PATJ: variants seen among roughly 807,000 people sequenced by gnomAD.
The protein encoded by PATJ is inaD-like protein.
PATJ carries 190 observed loss-of-function variants against 224.9 expected under a neutral mutation model. The ratio of observed to expected loss-of-function variants is 0.84; its 90% CI spans 0.75 to 0.95. PATJ has a LOEUF of 0.95. Ranked by LOEUF, PATJ falls within the 40% of genes least tolerant of loss-of-function variation. The probability of loss-of-function intolerance (pLI) is 0.00; values close to 1 mark genes in which losing one functional copy is unlikely to be tolerated. For synonymous variants in PATJ, 769 were observed against 820.3 expected (o/e 0.94, Z 1.07); for missense variants, 2,121 against 2,270.3 (o/e 0.93, Z 1.34).
intron 20 of PATJ, among the ~76,000 whole-genome samples, chr1:61,866,876 T>C (rs1029245885): frequency 2.0e-5 from 3 of 152,232 alleles, no homozygotes; most frequent in African/African-American, 4.8e-5. Context: ...TATTTTTTGA[T>C]TATATGCTAA....
chr1:61,742,657 C>G (rs1174525358), intron 1 of PATJ, 102 bp downstream of exon 1: 1 of 149,806 alleles, frequency 6.7e-6, no homozygotes, highest in African/African-American at 2.4e-5. Context: ...CCCGGGCCTG[C>G]CTGCCCTGCC....
At chr1:62,008,593 T>C (rs1219637833) in intron 28 of PATJ, among the ~76,000 whole-genome samples, 1 of 151,546 alleles carries the variant, frequency 6.6e-6, no homozygotes, top group Admixed American at 6.6e-5. Context: ...CCCGTCTTTA[T>C]AAAAAAATGA....
intron 21 of PATJ, among the ~76,000 whole-genome samples, chr1:61,879,750 G>A (rs1029105126): frequency 2.1e-4 from 32 of 151,624 alleles, no homozygotes; most frequent in African/African-American, 7.0e-4. Flanking sequence ...CCTCCTTTTG[G>A]TGTTCCTCCT....
chr1:61,879,964 G>A (rs1450553145), intron 21 of PATJ, among the ~76,000 whole-genome samples: 2 of 151,786 alleles, frequency 1.3e-5, no homozygotes, highest in African/African-American at 4.8e-5. Context: ...TCAGCCTCCT[G>A]AGTAGCTGGG....
intron 9 of PATJ, among the ~76,000 whole-genome samples, chr1:61,794,050 C>A (rs1464457053): frequency 0.021 from 1 of 48 alleles, no homozygotes; most frequent in African/African-American, 0.062. Flanking sequence ...TTAGATGTGC[C>A]CACCATCATG....
At chr1:62,093,400 T>C (rs1212334470) in intron 33 of PATJ, among the ~76,000 whole-genome samples, 2 of 152,188 alleles carry the variant, frequency 1.3e-5, no homozygotes, top group African/African-American at 4.8e-5. Flanking sequence ...TAGAAAGCTA[T>C]TTTATATTTG....
At chr1:61,860,986 G>A (rs1036237762) in intron 18 of PATJ, among the ~76,000 whole-genome samples, 2 of 151,670 alleles carry the variant, frequency 1.3e-5, no homozygotes, top group African/African-American at 4.8e-5. Flanking sequence ...GCTAATAAGA[G>A]GACCCACGTT....
chr1:61,974,222 G>A (rs940435374), intron 27 of PATJ, among the ~76,000 whole-genome samples: 1 of 151,778 alleles, frequency 6.6e-6, no homozygotes, highest in African/African-American at 2.4e-5. Flanking sequence ...GAGCATGGGC[G>A]CCTATGTGAC....
At chr1:61,829,546 C>T (rs565243816) in intron 16 of PATJ, among the ~76,000 whole-genome samples, 2 of 152,334 alleles carry the variant, frequency 1.3e-5, no homozygotes, top group African/African-American at 4.8e-5. Context: ...TGTCAACCTT[C>T]CTGCCCATTA....
intron 40 of PATJ, 111 bp from the exon 41 acceptor site, chr1:62,128,730 T>A (rs1280387902): frequency 1.3e-6 from 1 of 799,532 alleles, no homozygotes; most frequent in East Asian, 2.5e-5. Flanking sequence ...TAACGCAGAA[T>A]CCTCACAATA....
intron 29 of PATJ, among the ~76,000 whole-genome samples, chr1:62,033,525 C>A (rs779042983): frequency 2.2e-4 from 33 of 152,304 alleles, no homozygotes; most frequent in Non-Finnish European, 4.1e-4. Context: ...AAATGTTAAG[C>A]CTCTGGGAGA....
intron 27 of PATJ, among the ~76,000 whole-genome samples, chr1:61,972,147 T>A (rs1446273601): frequency 1.3e-5 from 2 of 152,040 alleles, no homozygotes; most frequent in Non-Finnish European, 2.9e-5. Context: ...GACCCAAACC[T>A]AAACATAAAA....
Position 62,128,822 on chromosome 1 carries a change from G to A in PATJ, c.5167-19G>A. The stretch of plus-strand genomic sequence containing the variant: ...TTTTTCTTAATGATAGTGATTTTCT[G>A]TCATTTTTGTACTTCCAGGTTGGAG... On this transcript the variant is annotated intron_variant, in intron 40 of 43. Transcript: ENST00000642238. 2.0e-6 allele frequency: 3 copies of A among 1,517,310 alleles called. No homozygotes were observed. In the South Asian group the frequency reaches 3.4e-5, roughly 17 times the overall value. The allele number at this position is 1,517,310 out of a possible 1,614,324, so 94.0% of individuals were successfully genotyped here.
At chr1:61,893,545 G>C (rs1368644111) in intron 22 of PATJ, among the ~76,000 whole-genome samples, 1 of 146,968 alleles carries the variant, frequency 6.8e-6, no homozygotes, top group African/African-American at 2.5e-5. Flanking sequence ...TCATGCCCAT[G>C]ATCCCAACAC....
Position 61,946,542 on chromosome 1 carries a change from T to C in PATJ, c.3670+18713T>C, listed in dbSNP as rs1014221524. Among the ~76,000 whole-genome samples the C allele has an allele frequency of 3.9e-5, 6 of 152,192 alleles. No individual in the cohort carries two copies. The South Asian group carries it at 1.2e-3, about 32-fold the overall frequency. ...GAAGAAGTTGACTCTCTGAATAGAC[T>C]AATAACAGGTTCTGAAATTGAGGCA... On this transcript the variant is annotated intron_variant, in intron 27 of 43. Transcript: ENST00000642238.
rs773157635 is a variant in PATJ at position 62,048,545 on chromosome 1, C to CAA, written c.4033-2397_4033-2396dup. 1.9e-3 allele frequency among the ~76,000 whole-genome samples: 125 copies of CAA among 66,086 alleles called. 1 individual carries two copies. The highest frequency in any genetic ancestry group is 0.012 in the East Asian group (14 of 1,188). The allele number at this position is 66,086 out of a possible 152,430, so 43.4% of individuals were successfully genotyped here. ...TGGGCGACAGAGCGAGACTCTGTCT[C>CAA]AAAAAAAAAAAAAAAAAAAAAAAAA... On this transcript the variant is annotated intron_variant, in intron 30 of 43. Transcript: ENST00000642238.
chr1:61,813,382 C>CATATATATATATATATATAT (rs1655352023), intron 14 of PATJ, among the ~76,000 whole-genome samples: 1 of 26,182 alleles, frequency 3.8e-5, no homozygotes, highest in African/African-American at 1.3e-4. Flanking sequence ...TATATATACA[C>CATATATATATATATATATAT]ACACACACAC....
intron 27 of PATJ, among the ~76,000 whole-genome samples, chr1:61,950,436 G>A (rs1346963930): frequency 2.0e-5 from 3 of 152,266 alleles, no homozygotes; most frequent in Admixed American, 2.0e-4. Flanking sequence ...CTTCCTTCCA[G>A]TGCCTTTCTC....
intron 27 of PATJ, among the ~76,000 whole-genome samples, chr1:61,948,937 C>T (rs1019461375): frequency 2.0e-5 from 3 of 152,110 alleles, no homozygotes; most frequent in Non-Finnish European, 4.4e-5. Flanking sequence ...AGCTGGAAAC[C>T]ATCATTCTCA....
Sources: gnomAD v4.1 joint callset for allele counts (sites outside exome capture counted in the v4.1 genomes callset) on GRCh38, gnomAD v4.1.1 for gene constraint, MANE v1.5 for transcripts, NCBI Gene and HGNC (gene_info 2026-07-23, HGNC 2026-07-21) for gene names.